Variants in PCDHA11 observed in about 807,000 individuals in gnomAD.
The protein encoded by PCDHA11 is protocadherin alpha 11, also known as protocadherin alpha-11.
PCDHA11 carries 61 observed loss-of-function variants against 70.3 expected under a neutral mutation model. The observed-to-expected ratio is 0.87, with a 90% CI of 0.71 to 1.07. The LOEUF is 1.07. Among genes scored for constraint, PCDHA11 ranks in the 50% least tolerant of loss-of-function variants. The pLI, the probability that PCDHA11 is intolerant of heterozygous loss-of-function variation, is 0.00. For synonymous variants in PCDHA11, 633 were observed against 555.1 expected (o/e 1.14, Z -1.97); for missense variants, 1,324 against 1,237.5 (o/e 1.07, Z -1.05).
At chr5:140,978,791 A>G (rs1443899144) in intron 1 of PCDHA11, 158 bp from the exon 2 acceptor site, 1 of 976,042 alleles carries the variant, frequency 1.0e-6, no homozygotes, top group Non-Finnish European at 1.2e-6. Context: ...AAAGTGCTAT[A>G]TATGTAGATA....
intron 1 of PCDHA11, among the ~76,000 whole-genome samples, chr5:140,976,851 T>C (rs1402328541): frequency 6.6e-6 from 1 of 152,206 alleles, no homozygotes; most frequent in African/African-American, 2.4e-5. Context: ...ATCCCTTTCA[T>C]AGAGTTTACT....
chr5:140,914,207 A>G (rs1485868934), intron 1 of PCDHA11, among the ~76,000 whole-genome samples: 4 of 152,060 alleles, frequency 2.6e-5, no homozygotes, highest in African/African-American at 9.7e-5. Context: ...TGTGATCTCT[A>G]TCTCTCTTTT....
intron 1 of PCDHA11, among the ~76,000 whole-genome samples, chr5:140,944,732 G>A (rs1351639657): frequency 6.6e-6 from 1 of 152,142 alleles, no homozygotes; most frequent in Non-Finnish European, 1.5e-5. Context: ...ACCTTAGTAA[G>A]TCTGAGCATT....
Position 140,869,085 on chromosome 5 carries a change from G to C in PCDHA11, c.-19G>C, listed in dbSNP as rs1223648721. ...TGTAAGTGTAAAGAAGCTTATTTTG[G>C]AAGCCAATTTCGTATGCGATGTTTG... On this transcript the variant is annotated 5_prime_UTR_variant, in exon 1 of 4. Transcript: ENST00000398640. The C allele has an allele frequency of 6.3e-7, 1 of 1,583,562 alleles. No individual in the cohort carries two copies. The highest frequency in any genetic ancestry group is 8.6e-7 in the Non-Finnish European group (1 of 1,165,310).
intron 1 of PCDHA11, among the ~76,000 whole-genome samples, chr5:140,899,105 T>G (rs2153462801): frequency 6.6e-6 from 1 of 152,160 alleles, no homozygotes; most frequent in Non-Finnish European, 1.5e-5. Flanking sequence ...GATAATGGGG[T>G]TTTCTAGATA....
chr5:141,010,462 T>A lies in PCDHA11; in HGVS notation c.*525T>A. On this transcript the variant is annotated 3_prime_UTR_variant, in exon 4 of 4. Transcript: ENST00000398640. ...ACAAATAAACAGCGGAAGTTATCAGTATGGAGGGGAAGTGTAAACTTAAAG... is the reference window on the plus strand; with the variant it reads ...ACAAATAAACAGCGGAAGTTATCAGAATGGAGGGGAAGTGTAAACTTAAAG... The A allele has an allele frequency of 2.4e-6, 2 of 822,568 alleles. No individual in the cohort carries two copies. Among genetic ancestry groups the A allele is most frequent in the Non-Finnish European group, 3.6e-6 (2 of 552,664 alleles). The allele number at this position is 822,568 out of a possible 1,614,324, so 51.0% of individuals were successfully genotyped here.
chr5:140,905,851 A>G (rs1345912722), intron 1 of PCDHA11, among the ~76,000 whole-genome samples: 1 of 152,204 alleles, frequency 6.6e-6, no homozygotes, highest in Non-Finnish European at 1.5e-5. Context: ...ATTAAGGAGT[A>G]TTAACTCACA....
At chr5:140,931,935 G>A (rs1456832226) in intron 1 of PCDHA11, among the ~76,000 whole-genome samples, 2 of 151,826 alleles carry the variant, frequency 1.3e-5, no homozygotes, top group East Asian at 1.9e-4. Context: ...ATTATAATGT[G>A]TGTCTGAGTC....
At chr5:140,968,716 T>C (rs1554230993) in intron 1 of PCDHA11, 2 of 1,614,058 alleles carry the variant, frequency 1.2e-6, no homozygotes, top group Admixed American at 1.7e-5. Flanking sequence ...AGATGGGAGA[T>C]GAGAGTGGTA....
intron 1 of PCDHA11, among the ~76,000 whole-genome samples, chr5:140,940,100 C>T (rs536415343): frequency 6.6e-6 from 1 of 152,094 alleles, no homozygotes; most frequent in South Asian, 2.1e-4. Flanking sequence ...AAACTTTTAG[C>T]GTTATGTATT....
chr5:140,927,682 T>C, intron 1 of PCDHA11: 1 of 1,613,992 alleles, frequency 6.2e-7, no homozygotes, highest in Non-Finnish European at 8.5e-7. Flanking sequence ...AGATGAAGGG[T>C]CCAATGGGGA....
intron 1 of PCDHA11, among the ~76,000 whole-genome samples, chr5:140,940,000 G>A (rs1442780881): frequency 6.6e-6 from 1 of 152,080 alleles, no homozygotes; most frequent in Non-Finnish European, 1.5e-5. Context: ...CTTGGATTTT[G>A]TCAATTTTTT....
At chr5:140,908,728 C>T (rs2074119712) in intron 1 of PCDHA11, among the ~76,000 whole-genome samples, 1 of 152,202 alleles carries the variant, frequency 6.6e-6, no homozygotes, top group Non-Finnish European at 1.5e-5. Context: ...GGTCATATGG[C>T]TCGAGAAACA....
intron 1 of PCDHA11, among the ~76,000 whole-genome samples, chr5:140,907,826 C>T (rs1448630927): frequency 6.6e-6 from 1 of 152,192 alleles, no homozygotes; most frequent in Non-Finnish European, 1.5e-5. Context: ...TCATCCTATC[C>T]ACTTGTTTAT....
chr5:140,927,970 G>A (rs1554205315), intron 1 of PCDHA11: 1 of 1,614,216 alleles, frequency 6.2e-7, no homozygotes, highest in East Asian at 2.2e-5. Context: ...CACAGTGATT[G>A]CTCTCTTTAG....
chr5:140,870,984 G>T lies in PCDHA11; in HGVS notation c.1881G>T (p.Thr627=), dbSNP rs1554164960. The T allele has an allele frequency of 3.7e-6, 6 of 1,613,520 alleles. No individual in the cohort carries two copies. Among genetic ancestry groups the T allele is most frequent in the Non-Finnish European group, 8.5e-7 (1 of 1,179,876 alleles). Residue 627 remains threonine, a synonymous_variant, in exon 1 of 4, where the codon ACG becomes ACT. Transcript: ENST00000398640. ...TCCCGTTCCGCGTGGGGCTGTACAC[G>T]GGCGAGATAAGCACAACGCGTGCCC... ...SRIPFRVGLY[T]GEISTTRALD...
In PCDHA11 at chr5:141,011,948, A is replaced by G. The variant is rs1011232437; in HGVS notation, c.*2011A>G. ...TAGGAGTCTGTTATTTAAAAAAAGC[A>G]TTAAATTTAAAAAAAAACTGTCTTG... On this transcript the variant is annotated 3_prime_UTR_variant, in exon 4 of 4. Transcript: ENST00000398640. 3 of 153,698 alleles carry G rather than the reference A, an allele frequency of 2.0e-5. No homozygotes were observed. The highest frequency in any genetic ancestry group is 4.4e-5 in the Non-Finnish European group (3 of 68,026). The allele number at this position is 153,698 out of a possible 1,614,324, so 9.5% of individuals were successfully genotyped here.
At chr5:140,940,372 AGTT>A (rs2092600737) in intron 1 of PCDHA11, among the ~76,000 whole-genome samples, 1 of 151,970 alleles carries the variant, frequency 6.6e-6, no homozygotes, top group Non-Finnish European at 1.5e-5. Flanking sequence ...GTATTCCTTG[AGTT>A]GTTAATTTTG....
intron 1 of PCDHA11, among the ~76,000 whole-genome samples, chr5:140,894,750 TTGTG>T (rs2064648260): frequency 6.6e-6 from 1 of 152,080 alleles, no homozygotes; most frequent in Admixed American, 6.5e-5. Context: ...ATTTTTTTTC[TTGTG>T]TGTATTTATT....
Sources: gnomAD v4.1 joint callset for allele counts (sites outside exome capture counted in the v4.1 genomes callset) on GRCh38, gnomAD v4.1.1 for gene constraint, MANE v1.5 for transcripts, NCBI Gene and HGNC (gene_info 2026-07-23, HGNC 2026-07-21) for gene names.